CEMIP2: variants seen among roughly 807,000 people sequenced by gnomAD.
CEMIP2 encodes cell surface hyaluronidase CEMIP2.
In CEMIP2, 79 loss-of-function variants were observed where a neutral mutation model predicts 146.9. The ratio of observed to expected loss-of-function variants is 0.54; its 90% CI spans 0.45 to 0.65. The LOEUF (loss-of-function observed/expected upper bound fraction) is 0.65. CEMIP2 is among the 30% of genes least tolerant of loss of function. The probability of loss-of-function intolerance (pLI) is 0.00; values close to 1 mark genes in which losing one functional copy is unlikely to be tolerated. For missense variants in CEMIP2, 1,596 were observed against 1,696.2 expected, an observed-to-expected ratio of 0.94 and a Z score of 1.04; for synonymous variants, 601 against 606.3, an observed-to-expected ratio of 0.99 and a Z score of 0.13.
At chr9:71,732,956 T>C (rs1823664074) in intron 6 of CEMIP2, among the ~76,000 whole-genome samples, 1 of 152,008 alleles carries the variant, frequency 6.6e-6, no homozygotes, top group Non-Finnish European at 1.5e-5. Context: ...CTGAAGCAGC[T>C]CAATCCTCCC....
intron 19 of CEMIP2, 68 bp from the exon 20 acceptor site, chr9:71,698,272 C>T (rs895299817): frequency 2.9e-6 from 4 of 1,359,508 alleles, no homozygotes; most frequent in Non-Finnish European, 4.1e-6. Context: ...TTCCTCAAAT[C>T]AGCTCATGGC....
Position 71,750,064 on chromosome 9 carries a change from A to C in CEMIP2, c.310T>G (p.Ser104Ala), listed in dbSNP as rs1352437181. The C allele has an allele frequency of 6.2e-7, 1 of 1,606,764 alleles. No individual in the cohort carries two copies. Among genetic ancestry groups the C allele is most frequent in the Admixed American group, 1.7e-5 (1 of 59,546 alleles). ...FIALAIILGISSKYAPDENCP... is the reference protein window; with the variant it reads ...FIALAIILGIASKYAPDENCP... The stretch of plus-strand genomic sequence containing the variant: ...TTACCATCTGGAGCATATTTTGAGG[A>C]TATTCCTAAAATGATTGCAAGTGCA... Residue 104 changes from serine (S) to alanine (A), a missense_variant, in exon 2 of 24, where the codon TCC (serine) becomes GCC (alanine). Physicochemically the swap from Ser to Ala is moderately conservative, Grantham distance 99. Transcript: ENST00000377044.
intron 10 of CEMIP2, 59 bp from the exon 11 acceptor site, chr9:71,725,768 C>G: frequency 6.6e-7 from 1 of 1,511,818 alleles, no homozygotes; most frequent in Non-Finnish European, 8.9e-7. Flanking sequence ...CTATGAAACA[C>G]TCTCATAAAC....
intron 21 of CEMIP2, among the ~76,000 whole-genome samples, chr9:71,691,661 A>G (rs535956679): frequency 6.6e-6 from 1 of 152,162 alleles, no homozygotes; most frequent in South Asian, 2.1e-4. Flanking sequence ...TAAAAAACCC[A>G]CAATACTTTC....
chr9:71,765,382 A>G (rs1392033270), intron 1 of CEMIP2, among the ~76,000 whole-genome samples: 2 of 152,154 alleles, frequency 1.3e-5, no homozygotes. Flanking sequence ...AACTTACTCA[A>G]ATTGAATCCC....
intron 1 of CEMIP2, among the ~76,000 whole-genome samples, chr9:71,762,120 G>T (rs1334038223): frequency 1.3e-5 from 2 of 152,046 alleles, no homozygotes; most frequent in African/African-American, 4.8e-5. Flanking sequence ...TTCCAGGCCA[G>T]AATATAAAAC....
At chr9:71,729,568 A>G (rs1201262746) in intron 10 of CEMIP2, among the ~76,000 whole-genome samples, 1 of 151,920 alleles carries the variant, frequency 6.6e-6, no homozygotes, top group Admixed American at 6.6e-5. Context: ...GCAGTGACCA[A>G]GATCGCGCCA....
At position 71,685,273 on chromosome 9, in the gene CEMIP2, T is replaced by G; in HGVS notation, c.4076A>C (p.Glu1359Ala). 1 of 1,613,764 alleles carries G rather than the reference T, an allele frequency of 6.2e-7. No individual in the cohort carries two copies. The highest frequency in any genetic ancestry group is 8.5e-7 in the Non-Finnish European group (1 of 1,179,930). The change falls in exon 24 of 24, where the codon GAA becomes GCA. Residue 1359 changes from glutamate (E) to alanine (A), a missense_variant. Transcript: ENST00000377044. ...LEQFIPLQLD[E>A]YGCPRATTVR... ...AGTGGTGGCTCTGGGACAACCATATTCGTCCAGCTGCAAAGGTATGAATTG... is the reference window on the plus strand; with the variant it reads ...AGTGGTGGCTCTGGGACAACCATATGCGTCCAGCTGCAAAGGTATGAATTG...
At position 71,704,661 on chromosome 9, in the gene CEMIP2, C is replaced by G. The variant is rs778291603; in HGVS notation, c.3128G>C (p.Gly1043Ala). Residue 1043 changes from glycine (G) to alanine (A), a missense_variant, in exon 18 of 24, where the codon GGT becomes GCT. Coordinates refer to ENST00000377044, the MANE Select transcript of CEMIP2 (RefSeq NM_013390.3). ...CGGCCCATTCCAGTGGATGGTATAA[C>G]CCTTCTCCAGCATGACGACAGGCTG... ...QYQPVVMLEK[G>A]YTIHWNGPAP... The G allele has an allele frequency of 6.2e-7, 1 of 1,614,078 alleles. No homozygotes were observed. The highest frequency in any genetic ancestry group is 8.5e-7 in the Non-Finnish European group (1 of 1,180,022).
intron 6 of CEMIP2, 95 bp from the exon 7 acceptor site, chr9:71,732,615 G>A (rs1046525860): frequency 9.2e-7 from 1 of 1,090,198 alleles, no homozygotes; most frequent in African/African-American, 1.7e-5. Context: ...ATAACCCCAA[G>A]ATGATCCTGA....
Position 71,715,051 on chromosome 9 carries a change from T to C in CEMIP2, c.2474A>G (p.Glu825Gly). 4 of 1,613,978 alleles carry C rather than the reference T, an allele frequency of 2.5e-6. No individual in the cohort carries two copies. Among genetic ancestry groups the C allele is most frequent in the South Asian group, 1.1e-5 (1 of 91,068 alleles). Residue 825 changes from glutamate to glycine, a missense_variant, in exon 15 of 24, where the codon GAG becomes GGG. Glu to Gly is a moderately conservative substitution (Grantham distance 98, BLOSUM62 -2). Transcript: ENST00000377044. ...CCCAACAAAGAGAGATTCAGATACC[T>C]CTTGGCTGGAACCTTCATCACTTGG... ...SFPSDEGSSQ[E>G]VSESLFVGES...
intron 1 of CEMIP2, among the ~76,000 whole-genome samples, chr9:71,764,929 T>TC (rs1824745068): frequency 1.3e-5 from 2 of 151,912 alleles, no homozygotes; most frequent in African/African-American, 2.4e-5. Flanking sequence ...CTTTTTTTTT[T>TC]TTTCCTTTTC....
At position 71,731,009 on chromosome 9, in the gene CEMIP2, C is replaced by T. The variant is rs1823601008; in HGVS notation, c.1564-95G>A. ...AGTAGAAAACATCCAAAGGAGAATA[C>T]TTATTAAAACATTCGATTTTCTTTT... On this transcript the variant is annotated intron_variant, in intron 7 of 23. Transcript: ENST00000377044. 7 of 934,926 alleles carry T rather than the reference C, an allele frequency of 7.5e-6. 1 individual carries two copies. Among genetic ancestry groups the T allele is most frequent in the Non-Finnish European group, 9.8e-6 (6 of 614,482 alleles). 57.9% of individuals were successfully genotyped at this position (934,926 alleles called of 1,614,324 possible).
chr9:71,701,309 T>C (rs1224548867), intron 18 of CEMIP2, among the ~76,000 whole-genome samples: 1 of 152,176 alleles, frequency 6.6e-6, no homozygotes, highest in African/African-American at 2.4e-5. Flanking sequence ...TTTCACCATG[T>C]TGGCCAGGCC....
intron 1 of CEMIP2, among the ~76,000 whole-genome samples, chr9:71,767,376 C>T (rs943204862): frequency 9.9e-5 from 15 of 152,196 alleles, no homozygotes; most frequent in Admixed American, 5.9e-4. Context: ...CACTCTGTCA[C>T]ACTGAATCAA....
At chr9:71,716,399 T>G (rs1446058824) in intron 14 of CEMIP2, 118 bp downstream of exon 14, 1 of 830,178 alleles carries the variant, frequency 1.2e-6, no homozygotes, top group South Asian at 1.7e-5. Context: ...AGGAAGAGGT[T>G]GCTAATTTTT....
In CEMIP2 at chr9:71,717,949, C is replaced by T; in HGVS notation, c.2398G>A (p.Ala800Thr). ...RGGDIIVQNS[A>T]FADNGIGLTF... ...AATAACTTGGTAGAGAATACCCACG[C>T]TGAATTTTGAACGATAATATCTCCT... Residue 800 changes from alanine (A) to threonine (T), a missense_variant and splice_region_variant, in exon 13 of 24, where the codon GCA (alanine) becomes ACA (threonine). Physicochemically the swap from Ala to Thr is moderately conservative, Grantham distance 58. Transcript: ENST00000377044. 6.2e-7 allele frequency: 1 copy of T among 1,604,064 alleles called. No individual in the cohort carries two copies. Among genetic ancestry groups the T allele is most frequent in the Non-Finnish European group, 8.5e-7 (1 of 1,176,066 alleles).
At chr9:71,763,534 T>C (rs1205529035) in intron 1 of CEMIP2, among the ~76,000 whole-genome samples, 1 of 152,174 alleles carries the variant, frequency 6.6e-6, no homozygotes, top group East Asian at 1.9e-4. Context: ...TTAAAAAATA[T>C]GAGGATTAAG....
chr9:71,687,905 G>A (rs1035459324), intron 22 of CEMIP2, among the ~76,000 whole-genome samples: 1 of 152,128 alleles, frequency 6.6e-6, no homozygotes, highest in Non-Finnish European at 1.5e-5. Context: ...CACCCCAGCT[G>A]GAATGCAGTG....
Sources: allele counts gnomAD v4.1 joint callset (sites outside exome capture counted in the v4.1 genomes callset), GRCh38; gene constraint gnomAD v4.1.1; transcripts MANE v1.5; gene names NCBI Gene and HGNC (gene_info 2026-07-23, HGNC 2026-07-21).